The following PLEKHG1 variants were observed in gnomAD, a reference collection of about 807,000 sequenced individuals.
The protein encoded by PLEKHG1 is pleckstrin homology and RhoGEF domain containing G1.
Under a neutral mutation model 100.8 loss-of-function variants are expected in PLEKHG1, and 44 were observed. That is an observed-to-expected ratio of 0.44 (90% CI 0.34 to 0.56). The LOEUF is 0.56. PLEKHG1 is among the 20% of genes least tolerant of loss of function. The probability of loss-of-function intolerance (pLI) is 0.01; values close to 1 mark genes in which losing one functional copy is unlikely to be tolerated. For missense variants in PLEKHG1, 1,545 were observed against 1,720.9 expected (o/e 0.90, Z 1.81); for synonymous variants, 640 against 662.5 (o/e 0.97, Z 0.52).
At position 150,615,609 on chromosome 6, in the gene PLEKHG1, T is replaced by A. The variant is rs377080739; in HGVS notation, c.-204+15592T>A. ...CAGAAAATACTATACAGATATAAAA[T>A]CACATAGGCTAGAATTTCCTGTGAG... is the stretch of plus-strand genomic sequence containing the variant. On this transcript the variant is annotated intron_variant, in intron 1 of 3. Coordinates refer to the PLEKHG1 transcript ENST00000367326. 1.2e-3 allele frequency among the ~76,000 whole-genome samples: 184 copies of A among 152,324 alleles called. 2 individuals carry two copies. The South Asian group carries it at 0.03, about 25-fold the overall frequency.
At chr6:150,789,105 A>G (rs1040195257) in intron 4 of PLEKHG1, among the ~76,000 whole-genome samples, 2 of 152,184 alleles carry the variant, frequency 1.3e-5, no homozygotes. Context: ...CTAAAATCAT[A>G]CATATTGCTT....
chr6:150,803,985 A>G (rs1786860845), intron 6 of PLEKHG1, among the ~76,000 whole-genome samples: 2 of 149,454 alleles, frequency 1.3e-5, no homozygotes, highest in Non-Finnish European at 1.5e-5. Flanking sequence ...TAATATCGCT[A>G]TGAAACTCAA....
rs1782445757 is a variant in PLEKHG1, at chr6:150,734,166, C to T, written c.411+74C>T. ...TGCAAAAGAAATGACAAAGCCAAGC[C>T]AGGTGTAGGGGATGTCTTCTAAGAG... On this transcript the variant is annotated intron_variant, in intron 2 of 15. Coordinates refer to ENST00000358517, the Ensembl canonical transcript of PLEKHG1. The T allele has an allele frequency of 6.3e-6, 9 of 1,431,796 alleles. 1 individual carries two copies. In the South Asian group the frequency reaches 9.3e-5, roughly 15 times the overall value. The allele number at this position is 1,431,796 out of a possible 1,614,324, so 88.7% of individuals were successfully genotyped here. A position where few individuals can be genotyped will look rare whatever the true frequency, so the allele number is the denominator to read the frequency against.
intron 13 of PLEKHG1, 137 bp from the exon 15 acceptor site, chr6:150,823,512 AAAATT>A: frequency 1.7e-6 from 1 of 601,012 alleles, no homozygotes; most frequent in Non-Finnish European, 2.9e-6. Context: ...GGATTTTCTG[AAAATT>A]AGATCTATAG....
chr6:150,807,770 A>G (rs528036441), intron 7 of PLEKHG1, among the ~76,000 whole-genome samples: 3 of 152,234 alleles, frequency 2.0e-5, no homozygotes, highest in Middle Eastern at 6.8e-3. Flanking sequence ...GGAGTTTGAG[A>G]CCAGCCTGGC....
intron 2 of PLEKHG1, among the ~76,000 whole-genome samples, chr6:150,750,590 C>T (rs1334757744): frequency 1.3e-5 from 2 of 151,692 alleles, no homozygotes; most frequent in African/African-American, 2.4e-5. Context: ...ACCATCCCGG[C>T]TAAAACGGTG....
intron 3 of PLEKHG1, among the ~76,000 whole-genome samples, chr6:150,660,471 T>C (rs1779142189): frequency 6.6e-6 from 1 of 152,192 alleles, no homozygotes; most frequent in African/African-American, 2.4e-5. Context: ...CCAATCCAGA[T>C]AAATAATTCT....
rs202238348 is a variant in PLEKHG1 at position 150,747,574 on chromosome 6, TGTG to T, written c.411+13485_411+13487del. ...AATTTTTTAAATCCGTTTTTTAAAT[TGTG>T]GTAACATATACATCAGAATTAACAA... On this transcript the variant is annotated intron_variant, in intron 2 of 15. Coordinates refer to ENST00000358517, the Ensembl canonical transcript of PLEKHG1. Among the ~76,000 whole-genome samples, 105 of 152,286 alleles carry T rather than the reference TGTG, an allele frequency of 6.9e-4. No individual in the cohort carries two copies. The East Asian group carries it at 0.02, about 29-fold the overall frequency.
chr6:150,744,161 G>A (rs1006724745), intron 2 of PLEKHG1, among the ~76,000 whole-genome samples: 23 of 152,238 alleles, frequency 1.5e-4, no homozygotes, highest in African/African-American at 5.5e-4. Flanking sequence ...TGCAAGCCCC[G>A]CCTCCCGGGT....
chr6:150,821,094 C>A, intron 12 of PLEKHG1, 101 bp from the exon 14 acceptor site: 1 of 853,078 alleles, frequency 1.2e-6, no homozygotes, highest in Non-Finnish European at 1.9e-6. Flanking sequence ...AGTTATAGAG[C>A]TCTGTTAATC....
chr6:150,743,740 C>T (rs1783003891), intron 2 of PLEKHG1, among the ~76,000 whole-genome samples: 1 of 152,164 alleles, frequency 6.6e-6, no homozygotes, highest in South Asian at 2.1e-4. Flanking sequence ...TTCCTGATTA[C>T]CTCCCACCCC....
chr6:150,689,691 A>G (rs550916310), intron 3 of PLEKHG1, among the ~76,000 whole-genome samples: 2 of 151,944 alleles, frequency 1.3e-5, no homozygotes, highest in African/African-American at 2.4e-5. Context: ...GGTGGTCTCT[A>G]CTAAATGCAA....
intron 1 of PLEKHG1, among the ~76,000 whole-genome samples, chr6:150,609,337 G>A (rs1776728435): frequency 6.6e-6 from 1 of 152,228 alleles, no homozygotes; most frequent in South Asian, 2.1e-4. Context: ...TGGGTGGTCA[G>A]AAAGGCCTAT....
chr6:150,730,240 T>C (rs1782173049), intron 1 of PLEKHG1, among the ~76,000 whole-genome samples: 1 of 151,616 alleles, frequency 6.6e-6, no homozygotes, highest in South Asian at 2.1e-4. Flanking sequence ...GGGGTAGACC[T>C]TTCCAGATGT....
intron 2 of PLEKHG1, among the ~76,000 whole-genome samples, chr6:150,647,009 A>G (rs932380933): frequency 2.6e-5 from 4 of 152,204 alleles, no homozygotes; most frequent in African/African-American, 4.8e-5. Flanking sequence ...TTCTTTTACA[A>G]AGTTCATGTG....
chr6:150,718,803 G>GA (rs912382506), upstream of PLEKHG1, among the ~76,000 whole-genome samples: 11 of 151,502 alleles, frequency 7.3e-5, no homozygotes, highest in African/African-American at 2.7e-4. Flanking sequence ...GCTAGTATGT[G>GA]AATGTATTAT....
rs113176633 is a variant in PLEKHG1, at chr6:150,674,561, G to A, written c.-99+23775G>A. Among the ~76,000 whole-genome samples, 1,263 of 148,700 alleles carry A rather than the reference G, an allele frequency of 8.5e-3. 14 individuals carry two copies. Among genetic ancestry groups the A allele is most frequent in the African/African-American group, 0.03 (1,213 of 40,224 alleles). On this transcript the variant is annotated intron_variant, in intron 3 of 3. Coordinates refer to the PLEKHG1 transcript ENST00000367326. ...TCAGTTATTATAGACCTACACTTATGGCACCTGAGTTTCACTTTTGTTTCA... is the reference window on the plus strand; with the variant it reads ...TCAGTTATTATAGACCTACACTTATAGCACCTGAGTTTCACTTTTGTTTCA...
At chr6:150,729,621 C>A (rs1782142376) in intron 1 of PLEKHG1, among the ~76,000 whole-genome samples, 1 of 152,200 alleles carries the variant, frequency 6.6e-6, no homozygotes, top group Non-Finnish European at 1.5e-5. Flanking sequence ...CAAGTGTGGT[C>A]TCATATTACG....
At chr6:150,688,752 C>T (rs1214354016) in intron 3 of PLEKHG1, among the ~76,000 whole-genome samples, 2 of 152,156 alleles carry the variant, frequency 1.3e-5, no homozygotes, top group East Asian at 1.9e-4. Context: ...ACTATGCTAA[C>T]ATGTAAGAGA....
Sources: gnomAD v4.1 joint callset for allele counts (sites outside exome capture counted in the v4.1 genomes callset) on GRCh38, gnomAD v4.1.1 for gene constraint, MANE v1.5 for transcripts, NCBI Gene and HGNC (gene_info 2026-07-23, HGNC 2026-07-21) for gene names.